POMGNT1: variants seen among roughly 807,000 people sequenced by gnomAD.
POMGNT1 encodes the protein protein O-linked mannose N-acetylglucosaminyltransferase 1 (beta 1,2-).
A neutral mutation model predicts 95.6 loss-of-function variants in POMGNT1; 67 were observed. That is an observed-to-expected ratio of 0.70 (90% CI 0.58 to 0.86). The LOEUF (loss-of-function observed/expected upper bound fraction) is 0.86. Among genes scored for constraint, POMGNT1 ranks in the 40% least tolerant of loss-of-function variants. The pLI is 0.00. For missense variants in POMGNT1, 719 were observed against 855.2 expected, an observed-to-expected ratio of 0.84 and a Z score of 1.99; for synonymous variants, 298 against 317.9, an observed-to-expected ratio of 0.94 and a Z score of 0.66.
chr1:46,189,671 C>G lies in POMGNT1; in HGVS notation c.1786-104G>C, dbSNP rs1657596570. The stretch of plus-strand genomic sequence containing the variant: ...CCCCACCCCTCCTCAGAAACCACCT[C>G]AATTTGTAAGAGATAGCATCTTTTA... On this transcript the variant is annotated intron_variant, in intron 20 of 21. Coordinates refer to ENST00000371984, the MANE Select transcript of POMGNT1 (RefSeq NM_017739.4). 4.5e-6 allele frequency: 7 copies of G among 1,551,236 alleles called. No homozygotes were observed. The South Asian group carries it at 6.0e-5, about 13-fold the overall frequency.
rs1658032176 is a variant in POMGNT1, at chr1:46,194,277, G to A, written c.876C>T (p.Asp292=). 1.2e-6 allele frequency: 2 copies of A among 1,614,088 alleles called. No homozygotes were observed. The highest frequency in any genetic ancestry group is 2.2e-5 in the South Asian group (2 of 91,092). Residue 292 remains aspartate (D), a synonymous_variant, in exon 9 of 22, where the codon GAC becomes GAT. Transcript: ENST00000371984. ...KDPTPIEFSP[D]PLPDNKVLNV... ...ACTGTCTTAAGGCCCCACTCACTGG[G>A]TCAGGGCTGAACTCGATGGGTGTGG... is the stretch of plus-strand genomic sequence containing the variant.
In POMGNT1 at chr1:46,218,692, C is replaced by T. The variant is rs142162455; in HGVS notation, c.-51+1013G>A. 1.2e-3 allele frequency among the ~76,000 whole-genome samples: 182 copies of T among 152,300 alleles called. 1 individual carries two copies. The highest frequency in any genetic ancestry group is 4.2e-3 in the African/African-American group (175 of 41,570). Reference sequence around the variant, plus strand: ...GTGCTTAGGGAAGGTAACAGTGCATCTGAGCTGGAACGGACGCTTGAGATT... The same window carrying T: ...GTGCTTAGGGAAGGTAACAGTGCATTTGAGCTGGAACGGACGCTTGAGATT... On this transcript the variant is annotated intron_variant, in intron 1 of 22. Transcript: ENST00000371992.
In POMGNT1 at chr1:46,190,788, G is replaced by C; in HGVS notation, c.1540-4C>G. On this transcript the variant is annotated splice_region_variant and splice_polypyrimidine_tract_variant and intron_variant, in intron 17 of 21. Transcript: ENST00000371984. The stretch of plus-strand genomic sequence containing the variant: ...TGTGCTTCTTGAAGTAGGCCTCCTG[G>C]AGTGGGTATGAGAGTGAAAATCAGC... 6.2e-7 allele frequency: 1 copy of C among 1,609,868 alleles called. No homozygotes were observed. Among genetic ancestry groups the C allele is most frequent in the Non-Finnish European group, 8.5e-7 (1 of 1,176,162 alleles).
chr1:46,193,696 C>T (rs1265040939), intron 10 of POMGNT1, 57 bp from the exon 11 acceptor site: 1 of 1,611,536 alleles, frequency 6.2e-7, no homozygotes, highest in South Asian at 1.1e-5. Flanking sequence ...TCAGGTTCCC[C>T]TGTGTTTACA....
chr1:46,213,158 A>C (rs898274755), intron 1 of POMGNT1, among the ~76,000 whole-genome samples: 1 of 151,888 alleles, frequency 6.6e-6, no homozygotes. Flanking sequence ...CACATACACA[A>C]ATATTTATAT....
chr1:46,201,240 G>C (rs1019285025), upstream of POMGNT1, among the ~76,000 whole-genome samples: 2 of 152,138 alleles, frequency 1.3e-5, no homozygotes, highest in Admixed American at 6.5e-5. Flanking sequence ...GGCCAGGCAT[G>C]GTGGCTCATG....
At position 46,205,223 on chromosome 1, in the gene POMGNT1, AC is replaced by A. The variant is rs1658673947; in HGVS notation, c.-50-7353del. Among the ~76,000 whole-genome samples the A allele has an allele frequency of 2.0e-5, 3 of 152,096 alleles. No individual in the cohort carries two copies. The South Asian group carries it at 6.2e-4, about 32-fold the overall frequency. ...CAGTGAGCTGAAATCGCACCACTGCACTCCAGCCTGGGTGACAGAGCTCAGA... is the reference window on the plus strand; with the variant it reads ...CAGTGAGCTGAAATCGCACCACTGCATCCAGCCTGGGTGACAGAGCTCAGA... On this transcript the variant is annotated intron_variant, in intron 1 of 22. Coordinates refer to the POMGNT1 transcript ENST00000371992.
chr1:46,201,697 C>CAAAAAAAAAAAAAAAA (rs59930051), upstream of POMGNT1, among the ~76,000 whole-genome samples: 2 of 85,942 alleles, frequency 2.3e-5, no homozygotes, highest in African/African-American at 4.4e-5. Context: ...GACTCCATCT[C>CAAAAAAAAAAAAAAAA]AAAAAAAAAA....
In POMGNT1 at chr1:46,189,041, G is replaced by A; in HGVS notation, c.*229C>T. 6.4e-7 allele frequency: 1 copy of A among 1,559,016 alleles called. No individual in the cohort carries two copies. Among genetic ancestry groups the A allele is most frequent in the Non-Finnish European group, 8.7e-7 (1 of 1,155,422 alleles). ...TGCTAGGGATCGTAATGATTCCCAG[G>A]TACTCTCCTGCCCTTCTCCAACAAG... On this transcript the variant is annotated 3_prime_UTR_variant, in exon 22 of 22. Transcript: ENST00000371984.
At chr1:46,201,240 G>T (rs1019285025), upstream of POMGNT1, among the ~76,000 whole-genome samples, 2 of 152,138 alleles carry the variant, frequency 1.3e-5, no homozygotes, top group African/African-American at 4.8e-5. Context: ...GGCCAGGCAT[G>T]GTGGCTCATG....
intron 11 of POMGNT1, 58 bp from the exon 12 acceptor site, chr1:46,193,446 C>T: frequency 6.2e-7 from 1 of 1,605,430 alleles, no homozygotes; most frequent in Non-Finnish European, 8.5e-7. Flanking sequence ...CCCACCTCTG[C>T]AATCCAAGGC....
At chr1:46,190,815 C>T (rs1368295039) in intron 17 of POMGNT1, 31 bp from the exon 18 acceptor site, 2 of 1,577,090 alleles carry the variant, frequency 1.3e-6, no homozygotes, top group Non-Finnish European at 1.7e-6. Flanking sequence ...AAAATCAGCA[C>T]CTCACATTGT....
chr1:46,189,713 A>G, intron 20 of POMGNT1, 141 bp downstream of exon 20: 2 of 1,550,600 alleles, frequency 1.3e-6, no homozygotes, highest in Non-Finnish European at 1.7e-6. Context: ...GAATTTGGAC[A>G]AGGAGGTTGG....
intron 1 of POMGNT1, among the ~76,000 whole-genome samples, chr1:46,218,907 C>A (rs1659146833): frequency 6.6e-6 from 1 of 152,126 alleles, no homozygotes; most frequent in Non-Finnish European, 1.5e-5. Flanking sequence ...TCCCCAGCTC[C>A]TGCCTCCTTT....
intron 1 of POMGNT1, among the ~76,000 whole-genome samples, chr1:46,215,561 G>C (rs953465840): frequency 1.2e-4 from 18 of 152,144 alleles, no homozygotes; most frequent in African/African-American, 4.3e-4. Context: ...AAAGGATCAG[G>C]GATTGGAATG....
intron 6 of POMGNT1, among the ~76,000 whole-genome samples, chr1:46,195,259 C>T (rs965588802): frequency 6.6e-6 from 1 of 152,202 alleles, no homozygotes; most frequent in Non-Finnish European, 1.5e-5. Context: ...TGCTCCACCT[C>T]GACTAGCATC....
In POMGNT1 at chr1:46,188,920, G is replaced by T. The variant is rs769320607; in HGVS notation, c.*350C>A. 1.9e-6 allele frequency: 3 copies of T among 1,612,710 alleles called. No individual in the cohort carries two copies. The highest frequency in any genetic ancestry group is 2.5e-6 in the Non-Finnish European group (3 of 1,179,900). On this transcript the variant is annotated 3_prime_UTR_variant, in exon 22 of 22. Coordinates refer to ENST00000371984, the MANE Select transcript of POMGNT1 (RefSeq NM_017739.4). ...CCAAAAAGAAATCCAGGCCCTCCAG[G>T]TTCGGCCTGTTTTCAAGGCCCTCAG...
chr1:46,191,409 G>A (rs1657756586), intron 17 of POMGNT1: 1 of 183,324 alleles, frequency 5.5e-6, no homozygotes, highest in African/African-American at 2.4e-5. Context: ...TCAGGCTGAA[G>A]CATAGGCTCC....
At position 46,197,082 on chromosome 1, in the gene POMGNT1, T is replaced by C; in HGVS notation, c.123A>G (p.Thr41=). The change falls in exon 3 of 22, where the codon ACA becomes ACG. Residue 41 remains threonine, a splice_region_variant and synonymous_variant. Transcript: ENST00000371984. ...NQRALRRFCQ[T]GAVLFLLVTV... is the part of the protein sequence containing the mutation. ...TCACCAGCAGGAAAAGCACGGCCCC[T>C]GTCTGAGGGGAGGGGTAGGGATGAT... The C allele has an allele frequency of 6.2e-7, 1 of 1,614,170 alleles. No individual in the cohort carries two copies. Among genetic ancestry groups the C allele is most frequent in the Non-Finnish European group, 8.5e-7 (1 of 1,180,002 alleles).
Sources: allele counts gnomAD v4.1 joint callset (sites outside exome capture counted in the v4.1 genomes callset), GRCh38; gene constraint gnomAD v4.1.1; transcripts MANE v1.5; gene names NCBI Gene and HGNC (gene_info 2026-07-23, HGNC 2026-07-21).